Variants in EIF5B observed in about 807,000 individuals in gnomAD.
EIF5B encodes the protein eIF-5B.
EIF5B carries 47 observed loss-of-function variants against 147.5 expected under a neutral mutation model. The ratio of observed to expected loss-of-function variants is 0.32; its 90% CI spans 0.25 to 0.41. The LOEUF is 0.41. Ranked by LOEUF, EIF5B falls within the 10% of genes least tolerant of loss-of-function variation. The pLI is 1.00. For missense variants in EIF5B, 1,064 were observed against 1,413.2 expected (o/e 0.75, Z 3.96); for synonymous variants, 455 against 456.2 (o/e 1.00, Z 0.03).
chr2:99,383,157 A>G (rs1231003736), intron 14 of EIF5B, among the ~76,000 whole-genome samples: 1 of 151,548 alleles, frequency 6.6e-6, no homozygotes, highest in African/African-American at 2.4e-5. Flanking sequence ...TGTTGGTGCC[A>G]TTTTTCCAAC....
chr2:99,352,484 C>T (rs897725376), intron 1 of EIF5B, among the ~76,000 whole-genome samples: 4 of 151,148 alleles, frequency 2.6e-5, no homozygotes, highest in African/African-American at 4.9e-5. Flanking sequence ...TGTGAGCCAC[C>T]GTGCCCAGCC....
intron 12 of EIF5B, among the ~76,000 whole-genome samples, chr2:99,381,346 T>A (rs370483137): frequency 6.6e-6 from 1 of 152,218 alleles, no homozygotes; most frequent in South Asian, 2.1e-4. Context: ...AATTACTTAC[T>A]GTTAGTATAT....
intron 1 of EIF5B, among the ~76,000 whole-genome samples, chr2:99,357,965 G>A (rs1431737109): frequency 6.6e-6 from 1 of 152,044 alleles, no homozygotes; most frequent in East Asian, 1.9e-4. Context: ...TGCAAGTCAG[G>A]TGCTCATTGT....
chr2:99,346,684 C>T (rs562339797), intron 1 of EIF5B, among the ~76,000 whole-genome samples: 89 of 140,918 alleles, frequency 6.3e-4, no homozygotes, highest in Non-Finnish European at 1.1e-3. Context: ...CATTCTCCTG[C>T]CTCAGCCTCT....
At chr2:99,351,165 C>T (rs1022379011) in intron 1 of EIF5B, among the ~76,000 whole-genome samples, 5 of 152,186 alleles carry the variant, frequency 3.3e-5, no homozygotes, top group African/African-American at 1.2e-4. Context: ...TGTAGTTTTG[C>T]CTTTTCTAGA....
At chr2:99,379,265 C>A in intron 11 of EIF5B, 53 bp from the exon 12 acceptor site, 3 of 1,506,854 alleles carry the variant, frequency 2.0e-6, no homozygotes, top group Non-Finnish European at 1.8e-6. Context: ...ATTATTTTTG[C>A]TGCTATCTTT....
intron 20 of EIF5B, 42 bp from the exon 21 acceptor site, chr2:99,394,677 T>C (rs1003527544): frequency 1.9e-6 from 3 of 1,609,370 alleles, no homozygotes; most frequent in Non-Finnish European, 1.7e-6. Flanking sequence ...TGACATACTC[T>C]GTTTTTCACT....
At chr2:99,379,480 G>T in intron 12 of EIF5B, 52 bp downstream of exon 12, 1 of 1,385,758 alleles carries the variant, frequency 7.2e-7, no homozygotes, top group African/African-American at 1.4e-5. Flanking sequence ...ATTAAGATAT[G>T]AACTATTTCA....
At chr2:99,358,416 G>GT (rs1674138084) in intron 1 of EIF5B, among the ~76,000 whole-genome samples, 2 of 152,140 alleles carry the variant, frequency 1.3e-5, no homozygotes, top group African/African-American at 4.8e-5. Context: ...TCTGGCTATG[G>GT]AATCAGACTT....
chr2:99,376,041 G>A (rs1035699172), intron 9 of EIF5B, among the ~76,000 whole-genome samples: 1 of 152,222 alleles, frequency 6.6e-6, no homozygotes, highest in Admixed American at 6.5e-5. Context: ...TTACTTTAAA[G>A]CAGGCTTGTC....
chr2:99,386,535 G>T (rs1251329873), intron 14 of EIF5B, among the ~76,000 whole-genome samples: 8 of 140,676 alleles, frequency 5.7e-5, no homozygotes, highest in South Asian at 4.5e-4. Flanking sequence ...GTGTGTGTGT[G>T]TTTTTTTTTT....
chr2:99,384,452 C>G (rs1206369169), intron 14 of EIF5B, among the ~76,000 whole-genome samples: 1 of 152,208 alleles, frequency 6.6e-6, no homozygotes, highest in African/African-American at 2.4e-5. Flanking sequence ...ATCCATTCTG[C>G]AGCTCATGGA....
At position 99,384,129 on chromosome 2, in the gene EIF5B, G is replaced by A. The variant is rs968642111; in HGVS notation, c.2271+1208G>A. ...GGAGAATGGCGTGAACCCGGGAGGCGGAGCTTGCAGTGAGCCGAGATCGCG... is the reference window on the plus strand; with the variant it reads ...GGAGAATGGCGTGAACCCGGGAGGCAGAGCTTGCAGTGAGCCGAGATCGCG... On this transcript the variant is annotated intron_variant, in intron 14 of 23. Transcript: ENST00000289371. 9.5e-5 allele frequency among the ~76,000 whole-genome samples: 14 copies of A among 147,532 alleles called. 1 individual carries two copies. Among genetic ancestry groups the A allele is most frequent in the Admixed American group, 7.5e-4 (11 of 14,654 alleles).
intron 8 of EIF5B, among the ~76,000 whole-genome samples, chr2:99,371,437 G>A (rs1328320032): frequency 1.3e-5 from 2 of 148,732 alleles, no homozygotes; most frequent in African/African-American, 2.5e-5. Flanking sequence ...GCAGTGAGCC[G>A]AGATCACGCC....
At chr2:99,393,359 G>A (rs892607906) in intron 18 of EIF5B, among the ~76,000 whole-genome samples, 1 of 152,106 alleles carries the variant, frequency 6.6e-6, no homozygotes, top group Admixed American at 6.6e-5. Flanking sequence ...CTAGAAGTCG[G>A]CTGGGCATGG....
intron 1 of EIF5B, chr2:99,338,188 T>C: frequency 1.7e-6 from 1 of 600,414 alleles, no homozygotes; most frequent in Non-Finnish European, 2.7e-6. Context: ...TTTTTGTCGT[T>C]TCTTTGCTCT....
At chr2:99,389,605 T>A in intron 14 of EIF5B, 113 bp from the exon 15 acceptor site, 1 of 922,036 alleles carries the variant, frequency 1.1e-6, no homozygotes, top group Non-Finnish European at 1.5e-6. Context: ...TATGAGTAAG[T>A]CACACTGTTC....
chr2:99,392,803 AAATATTTAATTTT>A lies in EIF5B; in HGVS notation c.2749-160_2749-148del, dbSNP rs532424725. Among the ~76,000 whole-genome samples, 311 of 152,112 alleles carry A rather than the reference AAATATTTAATTTT, an allele frequency of 2.0e-3. 1 individual carries two copies. Among genetic ancestry groups the A allele is most frequent in the South Asian group, 6.8e-3 (33 of 4,818 alleles). On this transcript the variant is annotated intron_variant, in intron 17 of 23. Transcript: ENST00000289371. ...TTTCCTGTGGTATTTTGAGAAATGG[AAATATTTAATTTT>A]AATGTTAAATTTATCAGTCTTGTGA...
At chr2:99,358,683 C>T (rs1674143433) in intron 1 of EIF5B, among the ~76,000 whole-genome samples, 1 of 152,098 alleles carries the variant, frequency 6.6e-6, no homozygotes, top group Admixed American at 6.5e-5. Context: ...TTTGTGAGCC[C>T]TCTTGAGGCA....
Sources: allele counts gnomAD v4.1 joint callset (sites outside exome capture counted in the v4.1 genomes callset), GRCh38; gene constraint gnomAD v4.1.1; transcripts MANE v1.5; gene names NCBI Gene and HGNC (gene_info 2026-07-23, HGNC 2026-07-21).